Variants in SPACA6 observed in about 807,000 individuals in gnomAD.
The protein encoded by SPACA6 is sperm acrosome associated 6, also known as sperm acrosome membrane-associated protein 6.
For synonymous variants in SPACA6, 6 were observed against 1.5 expected, an observed-to-expected ratio of 4.05 and a Z score of -2.21; for missense variants, 8 against 2.8, an observed-to-expected ratio of 2.88 and a Z score of -1.34.
chr19:51,688,679 CAG>C (rs1476940840), upstream of SPACA6, among the ~76,000 whole-genome samples: 2 of 151,122 alleles, frequency 1.3e-5, no homozygotes, highest in Non-Finnish European at 2.9e-5. Context: ...AGAGGAAGAA[CAG>C]AGACACAGAG....
At chr19:51,697,906 T>C (rs889035726) in intron 2 of SPACA6, among the ~76,000 whole-genome samples, 21 of 152,132 alleles carry the variant, frequency 1.4e-4, no homozygotes, top group African/African-American at 4.8e-4. Flanking sequence ...TGCCTCCGTT[T>C]CCCCACCTCA....
At chr19:51,712,307 G>C (rs1016649935) in exon 3 of SPACA6, 1 of 152,138 alleles carries the variant, frequency 6.6e-6, no homozygotes, top group Non-Finnish European at 1.5e-5. Flanking sequence ...GAGCCACCGC[G>C]CTCAGCCAAA....
At chr19:51,693,790 G>C (rs2083398554) in intron 1 of SPACA6, 50 bp downstream of exon 1, 1 of 403,468 alleles carries the variant, frequency 2.5e-6, no homozygotes, top group Admixed American at 4.3e-5. Flanking sequence ...GGTGCAGAGG[G>C]AGGGCAGGAG....
intron 2 of SPACA6, among the ~76,000 whole-genome samples, chr19:51,699,065 C>T (rs2083449458): frequency 6.6e-6 from 1 of 152,120 alleles, no homozygotes; most frequent in African/African-American, 2.4e-5. Flanking sequence ...GGGTGGAGGG[C>T]AGTGGTGCAA....
intron 2 of SPACA6, among the ~76,000 whole-genome samples, chr19:51,695,707 T>C (rs2083425067): frequency 6.6e-6 from 1 of 152,150 alleles, no homozygotes; most frequent in Admixed American, 6.5e-5. Flanking sequence ...TTTGAAAAGA[T>C]GAGGAACCTT....
chr19:51,692,062 G>A (rs1160830291), upstream of SPACA6, among the ~76,000 whole-genome samples: 1 of 151,830 alleles, frequency 6.6e-6, no homozygotes, highest in African/African-American at 2.4e-5. This position sits in a 1 kb window ranked among gnomAD's most constrained non-coding sequence, Gnocchi z 5.6. Context: ...GGCTGTCATA[G>A]TTGTAAATGA....
chr19:51,692,622 C>T (rs779007561), upstream of SPACA6: 15 of 530,888 alleles, frequency 2.8e-5, no homozygotes, highest in South Asian at 1.7e-4. The surrounding 1 kb of genome is among the most constrained non-coding windows in gnomAD (Gnocchi z 5.6). Flanking sequence ...GGCACCCACC[C>T]GTAGAACCGA....
At chr19:51,684,337 T>C (rs1042506822), upstream of SPACA6, among the ~76,000 whole-genome samples, 2 of 152,204 alleles carry the variant, frequency 1.3e-5, no homozygotes, top group African/African-American at 4.8e-5. Context: ...GCAGAGCAGC[T>C]GAAGGTCCTT....
At position 51,703,253 on chromosome 19, in the gene SPACA6, C is replaced by T. The variant is rs2083484167; in HGVS notation, c.489C>T (p.Gly163=). ...TTCAGGATGTGACAGTGACTCGGGG[C>T]GACCAGGCTATGTTTTCTTGCATCG... ...CPVQDVTVTR[G]DQAMFSCIVN... Residue 163 remains glycine (G), a synonymous_variant, in exon 6 of 9, where the codon GGC becomes GGT. Coordinates refer to ENST00000637797, the MANE Select transcript of SPACA6 (RefSeq NM_001316972.2). The surrounding 1 kb of genome is among the most constrained non-coding windows in gnomAD (Gnocchi z 4.2). The T allele has an allele frequency of 7.5e-6, 3 of 399,356 alleles. No individual in the cohort carries two copies. In the East Asian group the frequency reaches 1.1e-4, roughly 14 times the overall value. 24.7% of individuals were successfully genotyped at this position (399,356 alleles called of 1,614,324 possible).
At chr19:51,702,029 A>G (rs1008755547) in intron 3 of SPACA6, among the ~76,000 whole-genome samples, 1 of 151,982 alleles carries the variant, frequency 6.6e-6, no homozygotes, top group East Asian at 1.9e-4. Context: ...CGAGATCGGC[A>G]CTCCAGCCTG....
intron 2 of SPACA6, among the ~76,000 whole-genome samples, chr19:51,698,049 T>C (rs1024317609): frequency 6.6e-6 from 1 of 152,144 alleles, no homozygotes; most frequent in Non-Finnish European, 1.5e-5. Flanking sequence ...GGGATGAGGA[T>C]GCTTTCATGG....
upstream of SPACA6, among the ~76,000 whole-genome samples, chr19:51,688,902 G>GAGA (rs2083342540): frequency 2.8e-5 from 2 of 70,884 alleles, no homozygotes; most frequent in African/African-American, 9.5e-5. Context: ...AGGGAAAGAG[G>GAGA]GAGAGAGAGA....
At chr19:51,696,861 A>G (rs1462181654) in intron 2 of SPACA6, among the ~76,000 whole-genome samples, 1 of 152,138 alleles carries the variant, frequency 6.6e-6, no homozygotes, top group African/African-American at 2.4e-5. Context: ...TAATCTGTGG[A>G]AAGAGATTTT....
chr19:51,688,561 G>GA (rs35996230), upstream of SPACA6: 97,910 of 151,762 alleles, frequency 0.65, 31,965 homozygotes, highest in East Asian at 0.8. Flanking sequence ...GGGGTGGGGG[G>GA]TGGAGATACT....
At chr19:51,698,143 C>G (rs989336365) in intron 2 of SPACA6, among the ~76,000 whole-genome samples, 2 of 152,110 alleles carry the variant, frequency 1.3e-5, no homozygotes, top group Non-Finnish European at 2.9e-5. Context: ...AACTGAGGAT[C>G]AGGAAGGTGA....
In SPACA6 at chr19:51,703,782, A is replaced by G. The variant is rs1231062233; in HGVS notation, c.574-248A>G. Among the ~76,000 whole-genome samples, 1 of 151,928 alleles carries G rather than the reference A, an allele frequency of 6.6e-6. No homozygotes were observed. Among genetic ancestry groups the G allele is most frequent in the Non-Finnish European group, 1.5e-5 (1 of 67,984 alleles). ...CACTGCACTGCAGCCTGGGCGCCAG[A>G]ACGAGACCCTGTCTGGAAGAAAAAA... On this transcript the variant is annotated intron_variant, in intron 6 of 8. Transcript: ENST00000637797. The surrounding 1 kb of genome is among the most constrained non-coding windows in gnomAD (Gnocchi z 4.2).
chr19:51,700,205 G>C (rs2167417), intron 2 of SPACA6, among the ~76,000 whole-genome samples: 1 of 152,086 alleles, frequency 6.6e-6, no homozygotes, highest in African/African-American at 2.4e-5. Flanking sequence ...AGTGAGCCAA[G>C]ATCACACCAC....
At chr19:51,699,228 C>T (rs760308031) in intron 2 of SPACA6, among the ~76,000 whole-genome samples, 3 of 152,124 alleles carry the variant, frequency 2.0e-5, no homozygotes, top group Admixed American at 2.0e-4. Flanking sequence ...AGGCTTGTCT[C>T]GAACTCCTGG....
upstream of SPACA6, among the ~76,000 whole-genome samples, chr19:51,684,328 CA>C (rs2083318812): frequency 6.6e-6 from 1 of 152,190 alleles, no homozygotes; most frequent in Admixed American, 6.5e-5. Context: ...ATGTAAACAG[CA>C]GAGCAGCTGA....
Sources: gnomAD v4.1 joint callset for allele counts (sites outside exome capture counted in the v4.1 genomes callset) on GRCh38, gnomAD v4.1.1 for gene constraint, Gnocchi (gnomAD v3.1) non-coding constraint, MANE v1.5 for transcripts, NCBI Gene and HGNC (gene_info 2026-07-23, HGNC 2026-07-21) for gene names.